Variants in LDB2 observed in about 807,000 individuals in gnomAD.
The protein encoded by LDB2 is LIM domain binding 2, also known as LIM domain-binding protein 2.
LDB2 carries 12 observed loss-of-function variants against 44.3 expected under a neutral mutation model. The ratio of observed to expected loss-of-function variants is 0.27; its 90% CI spans 0.17 to 0.44. The LOEUF is 0.44. LDB2 is among the 20% of genes least tolerant of loss of function. The probability of loss-of-function intolerance (pLI) is 1.00; values close to 1 mark genes in which losing one functional copy is unlikely to be tolerated. For missense variants in LDB2, 344 were observed against 473.5 expected (o/e 0.73, Z 2.54); for synonymous variants, 164 against 174.8 (o/e 0.94, Z 0.49).
chr4:16,647,309 G>A (rs561855046), intron 2 of LDB2, among the ~76,000 whole-genome samples: 8 of 152,240 alleles, frequency 5.3e-5, no homozygotes, highest in African/African-American at 1.9e-4. Flanking sequence ...AATGAGTATG[G>A]AGTTCCTTCT....
intron 1 of LDB2, among the ~76,000 whole-genome samples, chr4:16,886,718 C>G (rs944274980): frequency 2.0e-5 from 3 of 151,904 alleles, no homozygotes; most frequent in African/African-American, 7.3e-5. Flanking sequence ...TTTTCAACAT[C>G]AATAGCATGA....
intron 5 of LDB2, among the ~76,000 whole-genome samples, chr4:16,542,136 G>C (rs1378541191): frequency 6.8e-6 from 1 of 146,618 alleles, no homozygotes. Flanking sequence ...GCATAAGAAG[G>C]TCAGTACCCT....
chr4:16,573,995 C>T (rs1747494668), intron 5 of LDB2, among the ~76,000 whole-genome samples: 1 of 152,204 alleles, frequency 6.6e-6, no homozygotes, highest in African/African-American at 2.4e-5. Context: ...TTCAGCCACA[C>T]TCATTCTGCT....
chr4:16,662,484 A>T (rs958248653), intron 2 of LDB2, among the ~76,000 whole-genome samples: 1 of 152,210 alleles, frequency 6.6e-6, no homozygotes, highest in Non-Finnish European at 1.5e-5. Context: ...TCATCCAATC[A>T]TAACAAACAG....
In LDB2 at chr4:16,759,369, C is replaced by T. The variant is rs1476569477; in HGVS notation, c.133-109G>A. On this transcript the variant is annotated intron_variant, in intron 1 of 7. Transcript: ENST00000304523. ...CTCAGCTGCTCCTTGCTCATTACTT[C>T]GCGTATGTGTGTAGGTGTTCTAGGA... The T allele has an allele frequency of 3.6e-5, 28 of 788,430 alleles. No homozygotes were observed. In the East Asian group the frequency reaches 3.6e-4, roughly 10 times the overall value. 48.8% of individuals were successfully genotyped at this position (788,430 alleles called of 1,614,324 possible).
intron 5 of LDB2, among the ~76,000 whole-genome samples, chr4:16,583,125 A>G (rs1306353986): frequency 6.6e-6 from 1 of 152,062 alleles, no homozygotes; most frequent in Admixed American, 6.5e-5. Context: ...AGCTCTGTGT[A>G]TTTCCTGACT....
chr4:16,749,985 A>C (rs552324995), intron 2 of LDB2, among the ~76,000 whole-genome samples: 40 of 152,164 alleles, frequency 2.6e-4, no homozygotes, highest in African/African-American at 9.4e-4. Flanking sequence ...GCCTCGTTGT[A>C]CTTTTTATAT....
At chr4:16,665,990 G>C (rs1209957188) in intron 2 of LDB2, among the ~76,000 whole-genome samples, 1 of 152,110 alleles carries the variant, frequency 6.6e-6, no homozygotes, top group African/African-American at 2.4e-5. Flanking sequence ...ATGGGGGCCT[G>C]GAACAATCTC....
intron 2 of LDB2, among the ~76,000 whole-genome samples, chr4:16,727,147 T>C (rs1040318095): frequency 6.6e-6 from 1 of 152,176 alleles, no homozygotes; most frequent in African/African-American, 2.4e-5. Flanking sequence ...AACTAGTAAG[T>C]TCGGTAGAGG....
intron 1 of LDB2, among the ~76,000 whole-genome samples, chr4:16,882,851 A>G: frequency 6.6e-6 from 1 of 152,216 alleles, no homozygotes; most frequent in East Asian, 1.9e-4. Context: ...CTTAGCCAAC[A>G]GGCATTAACA....
At chr4:16,847,658 C>T (rs768042891) in intron 1 of LDB2, among the ~76,000 whole-genome samples, 1 of 152,214 alleles carries the variant, frequency 6.6e-6, no homozygotes, top group Non-Finnish European at 1.5e-5. Context: ...CGCTCTGTCG[C>T]CCAGGCTGGA....
intron 5 of LDB2, among the ~76,000 whole-genome samples, chr4:16,578,084 A>C (rs1309403602): frequency 6.6e-6 from 1 of 152,206 alleles, no homozygotes; most frequent in Non-Finnish European, 1.5e-5. Context: ...TATAAAATTA[A>C]ATTTAAGCTC....
At chr4:16,759,090 G>A (rs542974336) in intron 2 of LDB2, 68 bp downstream of exon 2, 828 of 992,428 alleles carry the variant, frequency 8.3e-4, no homozygotes, top group Non-Finnish European at 1.1e-3. Context: ...GCTATTCTCT[G>A]AAGACCCCTG....
chr4:16,657,985 A>T (rs1272763973), intron 2 of LDB2, among the ~76,000 whole-genome samples: 2 of 152,262 alleles, frequency 1.3e-5, no homozygotes, highest in East Asian at 1.9e-4. Flanking sequence ...GATGAAATTT[A>T]TCTACAAATA....
chr4:16,514,995 T>C (rs1197428318), intron 5 of LDB2, among the ~76,000 whole-genome samples: 3 of 152,208 alleles, frequency 2.0e-5, no homozygotes, highest in Admixed American at 2.0e-4. Context: ...CATATGTTCA[T>C]TGCAGTACCA....
chr4:16,827,690 C>A (rs1008708609), intron 1 of LDB2, among the ~76,000 whole-genome samples: 1 of 152,098 alleles, frequency 6.6e-6, no homozygotes, highest in African/African-American at 2.4e-5. Flanking sequence ...TCACATTTTG[C>A]CAGAACTGCA....
At chr4:16,845,873 C>T (rs930253785) in intron 1 of LDB2, among the ~76,000 whole-genome samples, 18 of 151,890 alleles carry the variant, frequency 1.2e-4, no homozygotes, top group Non-Finnish European at 1.9e-4. Flanking sequence ...TTTGGGAGGC[C>T]GAGGTGGGTG....
intron 1 of LDB2, among the ~76,000 whole-genome samples, chr4:16,830,775 T>C (rs1020070812): frequency 1.3e-5 from 2 of 152,218 alleles, no homozygotes; most frequent in Non-Finnish European, 2.9e-5. Flanking sequence ...GCAGAAGTTA[T>C]TGGACCCGAG....
chr4:16,696,316 C>T lies in LDB2; in HGVS notation c.235+62842G>A, dbSNP rs553732232. ...AGAGCCTAGAGACAGGCTAACCCAT[C>T]GTCCCTTAACCAGCACAGCTCAAAC... On this transcript the variant is annotated intron_variant, in intron 2 of 7. Transcript: ENST00000304523. 3.5e-4 allele frequency among the ~76,000 whole-genome samples: 53 copies of T among 152,258 alleles called. No homozygotes were observed. The South Asian group carries it at 7.5e-3, about 21-fold the overall frequency.
Sources: gnomAD v4.1 joint callset for allele counts (sites outside exome capture counted in the v4.1 genomes callset) on GRCh38, gnomAD v4.1.1 for gene constraint, MANE v1.5 for transcripts, NCBI Gene and HGNC (gene_info 2026-07-23, HGNC 2026-07-21) for gene names.